Variants in ACACB observed in about 807,000 individuals in gnomAD.
ACACB encodes the protein acetyl-CoA carboxylase 2.
Under a neutral mutation model 278.8 loss-of-function variants are expected in ACACB, and 209 were observed. That is an observed-to-expected ratio of 0.75 (90% CI 0.67 to 0.84). ACACB has a LOEUF of 0.84. ACACB is among the 40% of genes least tolerant of loss of function. ACACB has a pLI of 0.00. For missense variants in ACACB, 2,850 were observed against 3,269.0 expected, an observed-to-expected ratio of 0.87 and a Z score of 3.13; for synonymous variants, 1,174 against 1,285.6, an observed-to-expected ratio of 0.91 and a Z score of 1.86.
chr12:109,238,436 A>G (rs1395635830), intron 34 of ACACB, among the ~76,000 whole-genome samples: 2 of 131,692 alleles, frequency 1.5e-5, no homozygotes, highest in African/African-American at 2.7e-5. Flanking sequence ...AATATATTAT[A>G]TAATATAACA....
At chr12:109,237,730 G>A (rs1416428092) in intron 34 of ACACB, among the ~76,000 whole-genome samples, 1 of 152,128 alleles carries the variant, frequency 6.6e-6, no homozygotes, top group Non-Finnish European at 1.5e-5. Flanking sequence ...AGTAATCCAT[G>A]GCCGGGTGCA....
At chr12:109,227,279 T>A in intron 27 of ACACB, 92 bp from the exon 28 acceptor site, 7 of 1,128,322 alleles carry the variant, frequency 6.2e-6, no homozygotes, top group Non-Finnish European at 9.1e-6. Flanking sequence ...TAGAGGTCAT[T>A]TCTGGTACCT....
intron 21 of ACACB, among the ~76,000 whole-genome samples, chr12:109,210,114 T>C (rs1334312597): frequency 8.5e-6 from 1 of 117,776 alleles, no homozygotes; most frequent in Admixed American, 8.4e-5. Context: ...TATATGTATA[T>C]ATACACGTAC....
At chr12:109,202,445 G>T (rs535971990) in intron 19 of ACACB, among the ~76,000 whole-genome samples, 1 of 152,174 alleles carries the variant, frequency 6.6e-6, no homozygotes, top group African/African-American at 2.4e-5. Context: ...CTCCTGAGTA[G>T]CTGGGGATTA....
chr12:109,117,359 C>CA (rs36115918), intron 1 of ACACB, among the ~76,000 whole-genome samples: 1,315 of 113,938 alleles, frequency 0.012, 29 homozygotes, highest in African/African-American at 0.039. Context: ...GACTCTGTCT[C>CA]AAAAAAAAAA....
chr12:109,242,422 T>C lies in ACACB; in HGVS notation c.5023-15T>C, dbSNP rs113341281. On this transcript the variant is annotated splice_polypyrimidine_tract_variant and intron_variant, in intron 36 of 52. Coordinates refer to ENST00000338432, the MANE Select transcript of ACACB (RefSeq NM_001093.4). ...ATTCTCTCTCACTCTCTGTTTTCCCTCCTTTCTGGTCCAGATCATGTTTCA... is the reference window on the plus strand; with the variant it reads ...ATTCTCTCTCACTCTCTGTTTTCCCCCCTTTCTGGTCCAGATCATGTTTCA... 614 of 1,611,008 alleles carry C rather than the reference T, an allele frequency of 3.8e-4. No individual in the cohort carries two copies. The African/African-American group carries it at 7.6e-3, about 20-fold the overall frequency.
At chr12:109,151,644 T>C (rs983357795) in intron 2 of ACACB, among the ~76,000 whole-genome samples, 1 of 152,192 alleles carries the variant, frequency 6.6e-6, no homozygotes, top group African/African-American at 2.4e-5. Context: ...ACCACGCTGC[T>C]GGCCACATGC....
In ACACB at chr12:109,179,268, C is replaced by T. The variant is rs2044381561; in HGVS notation, c.1618C>T (p.Pro540Ser). 6.2e-7 allele frequency: 1 copy of T among 1,613,712 alleles called. No homozygotes were observed. The highest frequency in any genetic ancestry group is 1.1e-5 in the South Asian group (1 of 91,048). Residue 540 changes from proline (P) to serine (S), a missense_variant, in exon 10 of 53, where the codon CCG (proline) becomes TCG (serine). Coordinates refer to ENST00000338432, the MANE Select transcript of ACACB (RefSeq NM_001093.4). ...IVEEAPATIA[P>S]LAIFEFMEQC... ...TGAGGAAGCACCGGCCACCATCGCC[C>T]CGCTGGCCATATTCGAGTTCATGGA...
intron 47 of ACACB, among the ~76,000 whole-genome samples, chr12:109,259,353 A>G (rs1463141492): frequency 6.6e-6 from 1 of 152,144 alleles, no homozygotes; most frequent in Non-Finnish European, 1.5e-5. Flanking sequence ...CAGAAAGATC[A>G]TTTGAGGCCA....
chr12:109,237,998 T>TG (rs2046678978), intron 34 of ACACB, among the ~76,000 whole-genome samples: 1 of 136,256 alleles, frequency 7.3e-6, no homozygotes, highest in Non-Finnish European at 1.5e-5. Flanking sequence ...GGGGATAGAG[T>TG]GAGACCCTAT....
intron 16 of ACACB, among the ~76,000 whole-genome samples, chr12:109,194,186 T>G (rs2268396): frequency 0.58 from 84,562 of 146,984 alleles, 24,140 homozygotes; most frequent in Middle Eastern, 0.7. Context: ...TCTGTTTTTT[T>G]TTTTTGTTGT....
intron 2 of ACACB, among the ~76,000 whole-genome samples, chr12:109,150,739 G>A (rs1181010769): frequency 6.6e-6 from 1 of 152,156 alleles, no homozygotes; most frequent in Non-Finnish European, 1.5e-5. Flanking sequence ...CTGCTTGTTC[G>A]TCATCCCAGC....
Position 109,141,467 on chromosome 12 carries a change from A to G in ACACB, c.653+1409A>G, listed in dbSNP as rs1053506952. On this transcript the variant is annotated intron_variant, in intron 2 of 52. Coordinates refer to ENST00000338432, the MANE Select transcript of ACACB (RefSeq NM_001093.4). ...CTTCCAGGTAGAAAATTTGGGAAAT[A>G]TAGGAGAACAGAGAGAAGAAAAGAG... 1.2e-4 allele frequency among the ~76,000 whole-genome samples: 19 copies of G among 152,228 alleles called. 1 individual carries two copies. The highest frequency in any genetic ancestry group is 1.0e-3 in the Admixed American group (16 of 15,280).
intron 1 of ACACB, among the ~76,000 whole-genome samples, chr12:109,124,200 A>T (rs996357441): frequency 8.5e-5 from 13 of 152,068 alleles, no homozygotes; most frequent in African/African-American, 3.1e-4. Flanking sequence ...GAATGGTTTT[A>T]TTCAAATCAG....
intron 1 of ACACB, among the ~76,000 whole-genome samples, chr12:109,123,877 A>C (rs74370402): frequency 6.6e-6 from 1 of 151,044 alleles, no homozygotes; most frequent in African/African-American, 2.4e-5. Context: ...TTTTTAGGTA[A>C]CAGAGTTTGC....
At position 109,246,297 on chromosome 12, in the gene ACACB, A is replaced by G. The variant is rs752858458; in HGVS notation, c.5420A>G (p.Asp1807Gly). ...FRIGSFGPGE[D>G]LLYLRASEMA... ...ATTGGATCCTTTGGCCCTGGAGAGG[A>G]CCTTCTGTACCTGCGGGCATCCGAG... Residue 1807 changes from aspartate to glycine, a missense_variant, in exon 39 of 53, where the codon GAC (aspartate) becomes GGC (glycine). Physicochemically the swap from Asp to Gly is moderately conservative, Grantham distance 94 (BLOSUM62 -1). Coordinates refer to ENST00000338432, the MANE Select transcript of ACACB (RefSeq NM_001093.4). 6.2e-7 allele frequency: 1 copy of G among 1,611,880 alleles called. No individual in the cohort carries two copies. Among genetic ancestry groups the G allele is most frequent in the Non-Finnish European group, 8.5e-7 (1 of 1,179,522 alleles).
In ACACB at chr12:109,151,497, A is replaced by G. The variant is rs201535519; in HGVS notation, c.653+11439A>G. Among the ~76,000 whole-genome samples the G allele has an allele frequency of 4.6e-5, 7 of 151,998 alleles. No individual in the cohort carries two copies. In the South Asian group the frequency reaches 8.3e-4, roughly 18 times the overall value. On this transcript the variant is annotated intron_variant, in intron 2 of 52. Transcript: ENST00000338432. ...CCCATATATTGAAAGAGATTATTTCATTTTGCTTTTCTGCAAAAATGAAGG... is the reference window on the plus strand; with the variant it reads ...CCCATATATTGAAAGAGATTATTTCGTTTTGCTTTTCTGCAAAAATGAAGG...
rs542078407 is a variant in ACACB at position 109,266,424 on chromosome 12, G to A, written c.*62G>A. On this transcript the variant is annotated 3_prime_UTR_variant, in exon 53 of 53. Coordinates refer to ENST00000338432, the MANE Select transcript of ACACB (RefSeq NM_001093.4). ...AAGGAACCACCCAGACCCACCACCC[G>A]TACACCCTCAGCAGACCCTGAAGAC... 9.7e-5 allele frequency: 147 copies of A among 1,509,432 alleles called. 1 individual carries two copies. The highest frequency in any genetic ancestry group is 1.2e-4 in the Non-Finnish European group (131 of 1,133,048). 93.5% of individuals were successfully genotyped at this position (1,509,432 alleles called of 1,614,324 possible).
At chr12:109,177,725 C>A (rs2044325029) in intron 9 of ACACB, among the ~76,000 whole-genome samples, 1 of 152,194 alleles carries the variant, frequency 6.6e-6, no homozygotes, top group South Asian at 2.1e-4. Flanking sequence ...TGGTAAACTC[C>A]AGACTAGATT....
Sources: allele counts gnomAD v4.1 joint callset (sites outside exome capture counted in the v4.1 genomes callset), GRCh38; gene constraint gnomAD v4.1.1; transcripts MANE v1.5; gene names NCBI Gene and HGNC (gene_info 2026-07-23, HGNC 2026-07-21).